ADHFE1: variants seen among roughly 807,000 people sequenced by gnomAD.
ADHFE1 encodes hydroxyacid-oxoacid transhydrogenase, mitochondrial.
ADHFE1 carries 37 observed loss-of-function variants against 54.8 expected under a neutral mutation model. The observed-to-expected ratio is 0.68, with a 90% CI of 0.52 to 0.89. The LOEUF (loss-of-function observed/expected upper bound fraction) is 0.89. ADHFE1 is among the 40% of genes least tolerant of loss of function. ADHFE1 has a pLI of 0.00. For synonymous variants in ADHFE1, 203 were observed against 229.3 expected (o/e 0.89, Z 1.04); for missense variants, 601 against 591.2 (o/e 1.02, Z -0.17).
Position 66,460,445 on chromosome 8 carries a change from G to A in ADHFE1, c.1300G>A (p.Val434Met), listed in dbSNP as rs748019962. Residue 434 changes from valine (V) to methionine (M), a missense_variant, in exon 13 of 14, where the codon GTG (valine) becomes ATG (methionine). Val to Met is a conservative substitution (Grantham distance 21). Coordinates refer to ENST00000396623, the MANE Select transcript of ADHFE1 (RefSeq NM_144650.3). ...GYSKADIPAL[V>M]KGTLPQERVT... ...CTCCAAAGCTGATATCCCCGCACTAGTGAAAGGAACGCTGCCCCAGGTAAG... is the reference window on the plus strand; with the variant it reads ...CTCCAAAGCTGATATCCCCGCACTAATGAAAGGAACGCTGCCCCAGGTAAG... 1.9e-6 allele frequency: 3 copies of A among 1,592,448 alleles called. No individual in the cohort carries two copies. Among genetic ancestry groups the A allele is most frequent in the African/African-American group, 2.7e-5 (2 of 74,298 alleles).
intron 1 of ADHFE1, among the ~76,000 whole-genome samples, chr8:66,434,507 A>G (rs1805362718): frequency 6.6e-6 from 1 of 152,248 alleles, no homozygotes; most frequent in South Asian, 2.1e-4. Flanking sequence ...TCTTCTGCAC[A>G]TGCTTATTAT....
At chr8:66,453,888 C>T in intron 9 of ADHFE1, 171 bp from the exon 10 acceptor site, 1 of 1,508,114 alleles carries the variant, frequency 6.6e-7, no homozygotes, top group Non-Finnish European at 8.9e-7. Context: ...ATATGTTTCC[C>T]TTCAGTTTTC....
At chr8:66,464,569 G>C (rs1056441730) in intron 13 of ADHFE1, among the ~76,000 whole-genome samples, 20 of 152,092 alleles carry the variant, frequency 1.3e-4, no homozygotes, top group Admixed American at 1.2e-3. Flanking sequence ...AATTCCTTAG[G>C]GTCTCTTAAA....
rs1274193435 is a variant in ADHFE1 at position 66,435,666 on chromosome 8, AG to A, written c.59+3092del. On this transcript the variant is annotated intron_variant, in intron 1 of 13. Coordinates refer to ENST00000396623, the MANE Select transcript of ADHFE1 (RefSeq NM_144650.3). ...CTTGCTGTCACTTAGGCTGGAGTGC[AG>A]TGATGTGATCACGGCTCACTGCAAT... 9.6e-5 allele frequency among the ~76,000 whole-genome samples: 12 copies of A among 125,092 alleles called. No homozygotes were observed. In the Admixed American group the frequency reaches 1.3e-3, roughly 13 times the overall value. The allele number at this position is 125,092 out of a possible 152,430, so 82.1% of individuals were successfully genotyped here.
At position 66,452,040 on chromosome 8, in the gene ADHFE1, C is replaced by T. The variant is rs762677943; in HGVS notation, c.822C>T (p.Gly274=). 1.3e-4 allele frequency: 213 copies of T among 1,614,110 alleles called. No individual in the cohort carries two copies. The highest frequency in any genetic ancestry group is 1.6e-4 in the Non-Finnish European group (193 of 1,180,052). Residue 274 remains glycine, a synonymous_variant, in exon 9 of 14, where the codon GGC becomes GGT. Transcript: ENST00000396623. The part of the protein sequence containing the change: ...SNPITRPAYQ[G]SNPISDIWAI... ...CCATCACACGGCCTGCGTACCAGGG[C>T]AGCAACCCAATCAGTGACATTTGGG...
At position 66,452,036 on chromosome 8, in the gene ADHFE1, A is replaced by G. The variant is rs1280773022; in HGVS notation, c.818A>G (p.Gln273Arg). 6.2e-7 allele frequency: 1 copy of G among 1,614,226 alleles called. No individual in the cohort carries two copies. The highest frequency in any genetic ancestry group is 1.7e-5 in the Admixed American group (1 of 60,028). Residue 273 changes from glutamine (Q) to arginine (R), a missense_variant, in exon 9 of 14, where the codon CAG becomes CGG. Coordinates refer to ENST00000396623, the MANE Select transcript of ADHFE1 (RefSeq NM_144650.3). ...AATCCCATCACACGGCCTGCGTACC[A>G]GGGCAGCAACCCAATCAGTGACATT... Reference protein sequence around the residue: ...PSNPITRPAYQGSNPISDIWA... With the variant: ...PSNPITRPAYRGSNPISDIWA...
intron 1 of ADHFE1, among the ~76,000 whole-genome samples, chr8:66,435,246 A>G (rs1805401911): frequency 6.6e-6 from 1 of 152,204 alleles, no homozygotes; most frequent in Non-Finnish European, 1.5e-5. Flanking sequence ...GTAACAAACT[A>G]CCATGAACCT....
intron 1 of ADHFE1, among the ~76,000 whole-genome samples, chr8:66,434,272 G>C (rs1181741953): frequency 6.6e-6 from 1 of 152,222 alleles, no homozygotes; most frequent in Admixed American, 6.5e-5. Flanking sequence ...GGCAACTTCA[G>C]TCTAGGGCAT....
intron 10 of ADHFE1, 37 bp downstream of exon 10, chr8:66,454,194 T>C: frequency 6.2e-7 from 1 of 1,600,138 alleles, no homozygotes; most frequent in Non-Finnish European, 8.5e-7. Context: ...TTACTCAAGC[T>C]ATTGCTTTAA....
intron 12 of ADHFE1, among the ~76,000 whole-genome samples, chr8:66,459,735 C>T (rs1414040452): frequency 6.6e-6 from 1 of 152,118 alleles, no homozygotes; most frequent in Non-Finnish European, 1.5e-5. Flanking sequence ...GCAACAGAAT[C>T]TAAAATTAAA....
chr8:66,444,055 TAAGA>T (rs946042469), intron 3 of ADHFE1, among the ~76,000 whole-genome samples: 3 of 152,088 alleles, frequency 2.0e-5, no homozygotes, highest in Non-Finnish European at 2.9e-5. Flanking sequence ...GAATGGAAAG[TAAGA>T]CATTTGAGAG....
At position 66,444,498 on chromosome 8, in the gene ADHFE1, A is replaced by G. The variant is rs182288084; in HGVS notation, c.198+78A>G. The G allele has an allele frequency of 8.1e-5, 130 of 1,606,266 alleles. No individual in the cohort carries two copies. The East Asian group carries it at 2.7e-3, about 33-fold the overall frequency. ...AAGACCATGCTAAATGACAACAATC[A>G]CATCCTCTATTTTTAAAAATGTACA... is the stretch of plus-strand genomic sequence containing the variant. On this transcript the variant is annotated intron_variant, in intron 4 of 13. Coordinates refer to ENST00000396623, the MANE Select transcript of ADHFE1 (RefSeq NM_144650.3).
At chr8:66,460,108 G>A (rs1431826439) in intron 12 of ADHFE1, 200 bp from the exon 13 acceptor site, 1 of 604,132 alleles carries the variant, frequency 1.7e-6, no homozygotes. Flanking sequence ...TGTAGGACTT[G>A]GCAGCCCCTC....
At chr8:66,444,848 C>G in intron 5 of ADHFE1, 100 bp downstream of exon 5, 1 of 1,432,258 alleles carries the variant, frequency 7.0e-7, no homozygotes, top group South Asian at 1.3e-5. Flanking sequence ...CGCCTGTAAT[C>G]CCAGCACTTT....
intron 1 of ADHFE1, among the ~76,000 whole-genome samples, chr8:66,437,703 A>G (rs1328546905): frequency 1.3e-5 from 2 of 152,222 alleles, no homozygotes; most frequent in Non-Finnish European, 2.9e-5. Flanking sequence ...GGTGCTAGCC[A>G]CAGGGGATAA....
At chr8:66,452,292 G>A (rs1806341239) in intron 9 of ADHFE1, among the ~76,000 whole-genome samples, 187 bp downstream of exon 9, 1 of 152,168 alleles carries the variant, frequency 6.6e-6, no homozygotes, top group Admixed American at 6.5e-5. Flanking sequence ...GATGAAAACT[G>A]GGTCCTTCAG....
chr8:66,454,910 GT>G, intron 10 of ADHFE1, among the ~76,000 whole-genome samples: 1 of 151,850 alleles, frequency 6.6e-6, no homozygotes, highest in South Asian at 2.1e-4. Context: ...TAGAGACGGG[GT>G]TTCACCATGT....
At chr8:66,462,974 A>T (rs1563495752) in intron 13 of ADHFE1, among the ~76,000 whole-genome samples, 1 of 152,140 alleles carries the variant, frequency 6.6e-6, no homozygotes, top group South Asian at 2.1e-4. Context: ...GGCACACACC[A>T]CCATGCCCAG....
chr8:66,435,428 G>A (rs1038635635), intron 1 of ADHFE1, among the ~76,000 whole-genome samples: 3 of 151,880 alleles, frequency 2.0e-5, no homozygotes, highest in African/African-American at 4.8e-5. Context: ...CTCTACCTTC[G>A]GTTCCTTAGC....
Sources: gnomAD v4.1 joint callset for allele counts (sites outside exome capture counted in the v4.1 genomes callset) on GRCh38, gnomAD v4.1.1 for gene constraint, MANE v1.5 for transcripts, NCBI Gene and HGNC (gene_info 2026-07-23, HGNC 2026-07-21) for gene names.